Variants in THOC6 observed in about 807,000 individuals in gnomAD.
THOC6 encodes the protein THO complex subunit 6, also known as THO complex 6.
A neutral mutation model predicts 55.8 loss-of-function variants in THOC6; 39 were observed. The observed-to-expected ratio is 0.70, with a 90% CI of 0.54 to 0.91. THOC6 has a LOEUF of 0.91. Ranked by LOEUF, THOC6 falls within the 40% of genes least tolerant of loss-of-function variation. The pLI, the probability that THOC6 is intolerant of heterozygous loss-of-function variation, is 0.00. For synonymous variants in THOC6, 192 were observed against 175.6 expected, an observed-to-expected ratio of 1.09 and a Z score of -0.74; for missense variants, 482 against 442.0, an observed-to-expected ratio of 1.09 and a Z score of -0.81.
chr16:3,024,234 G>GT lies in THOC6; in HGVS notation c.-93_-92insT, dbSNP rs1254927169. On this transcript the variant is annotated 5_prime_UTR_variant, in exon 1 of 13. An upstream open reading frame in the 5' UTR loses its in-frame stop. Transcript: ENST00000326266. Reference sequence around the variant, plus strand: ...CACCAGCCACCTTCGCGCCGAAGGCGGTAGGGCGCCACGGAGAGGAACCGC... The same window carrying GT: ...CACCAGCCACCTTCGCGCCGAAGGCGTGTAGGGCGCCACGGAGAGGAACCGC... The GT allele has an allele frequency of 1.1e-5, 17 of 1,534,090 alleles. No individual in the cohort carries two copies. Among genetic ancestry groups the GT allele is most frequent in the Non-Finnish European group, 1.3e-5 (15 of 1,113,194 alleles).
chr16:3,026,118 T>A lies in THOC6; in HGVS notation c.276T>A (p.Ala92=). The change falls in exon 4 of 13, where the codon GCT becomes GCA. Residue 92 remains alanine, a synonymous_variant. Coordinates refer to ENST00000326266, the MANE Select transcript of THOC6 (RefSeq NM_024339.5). ...CCACCGATCGACATCTGCTTAGTGC[T>A]GGGGATGGGGAGGTGAAGGCCTGGC... ...MVSTDRHLLS[A]GDGEVKAWLW... is the part of the protein sequence containing the mutation. 1 of 1,608,378 alleles carries A rather than the reference T, an allele frequency of 6.2e-7. No homozygotes were observed. The highest frequency in any genetic ancestry group is 8.5e-7 in the Non-Finnish European group (1 of 1,175,964).
chr16:3,026,873 G>C lies in THOC6; in HGVS notation c.593G>C (p.Arg198Pro). 1 of 1,614,130 alleles carries C rather than the reference G, an allele frequency of 6.2e-7. No individual in the cohort carries two copies. The highest frequency in any genetic ancestry group is 8.5e-7 in the Non-Finnish European group (1 of 1,180,010). Residue 198 changes from arginine to proline, a missense_variant, in exon 9 of 13, where the codon CGC (arginine) becomes CCC (proline). Physicochemically the swap from Arg to Pro is moderately radical, Grantham distance 103. Coordinates refer to ENST00000326266, the MANE Select transcript of THOC6 (RefSeq NM_024339.5). ...CACAGTTCTTTCCCCGCAGACCTGC[G>C]CACAGCCAAGGAGGTCCAGACGATC... is the stretch of plus-strand genomic sequence containing the variant. ...EDGAVRLWDL[R>P]TAKEVQTIEV...
rs145609224 is a variant in THOC6 at position 3,024,494 on chromosome 16, A to T, written c.39+129A>T. The T allele has an allele frequency of 2.4e-3, 2,775 of 1,170,330 alleles. 38 individuals carry two copies. The highest frequency in any genetic ancestry group is 0.017 in the South Asian group (1,358 of 79,506). 72.5% of individuals were successfully genotyped at this position (1,170,330 alleles called of 1,614,324 possible). On this transcript the variant is annotated intron_variant, in intron 1 of 12. Transcript: ENST00000326266. ...TATTTGTGGGACTCAGACTCTGACC[A>T]GGGGGGCGGGATAGTAACCCAGAAG...
chr16:3,026,873 G>T lies in THOC6; in HGVS notation c.593G>T (p.Arg198Leu), dbSNP rs747608649. 5 of 1,614,130 alleles carry T rather than the reference G, an allele frequency of 3.1e-6. No individual in the cohort carries two copies. The South Asian group carries it at 3.3e-5, about 11-fold the overall frequency. Reference protein sequence around the residue: ...EDGAVRLWDLRTAKEVQTIEV... With the variant: ...EDGAVRLWDLLTAKEVQTIEV... Reference sequence around the variant, plus strand: ...CACAGTTCTTTCCCCGCAGACCTGCGCACAGCCAAGGAGGTCCAGACGATC... The same window carrying T: ...CACAGTTCTTTCCCCGCAGACCTGCTCACAGCCAAGGAGGTCCAGACGATC... Residue 198 changes from arginine (R) to leucine (L), a missense_variant, in exon 9 of 13, where the codon CGC (arginine) becomes CTC (leucine). Arg to Leu is a moderately radical substitution (Grantham distance 102). Coordinates refer to ENST00000326266, the MANE Select transcript of THOC6 (RefSeq NM_024339.5).
chr16:3,025,205 G>T (rs963691102), intron 1 of THOC6, among the ~76,000 whole-genome samples: 1 of 152,152 alleles, frequency 6.6e-6, no homozygotes, highest in Non-Finnish European at 1.5e-5. Flanking sequence ...GCCTGCCAAA[G>T]TGCTGGGATT....
In THOC6 at chr16:3,026,772, C is replaced by G. The variant is rs1194408714; in HGVS notation, c.577C>G (p.Arg193Gly). The G allele has an allele frequency of 3.7e-6, 6 of 1,613,628 alleles. No homozygotes were observed. Among genetic ancestry groups the G allele is most frequent in the Admixed American group, 3.3e-5 (2 of 59,944 alleles). ...VLSGGEDGAV[R>G]LWDLRTAKEV... ...GTCAGGTGGCGAGGATGGAGCTGTT[C>G]GACTTTGGGGTAAGCAGGTGGCTGG... The change falls in exon 8 of 13, where the codon CGA becomes GGA. Residue 193 changes from arginine to glycine, a missense_variant. Coordinates refer to ENST00000326266, the MANE Select transcript of THOC6 (RefSeq NM_024339.5).
rs555217845 is a variant in THOC6, at chr16:3,027,246, C to T, written c.776C>T (p.Ala259Val). The T allele has an allele frequency of 1.4e-5, 23 of 1,614,196 alleles. No homozygotes were observed. Among genetic ancestry groups the T allele is most frequent in the South Asian group, 8.8e-5 (8 of 91,082 alleles). The change falls in exon 11 of 13, where the codon GCG (alanine) becomes GTG (valine). Residue 259 changes from alanine (A) to valine (V), a missense_variant. Ala to Val is a moderately conservative substitution (Grantham distance 64). Coordinates refer to ENST00000326266, the MANE Select transcript of THOC6 (RefSeq NM_024339.5). Reference protein sequence around the residue: ...STPTTIFPIRAPQKHVTFYQD... With the variant: ...STPTTIFPIRVPQKHVTFYQD... ...CCCACCACCATCTTCCCCATCCGGG[C>T]GCCACAGAAGCACGTCACCTTCTAC... is the stretch of plus-strand genomic sequence containing the variant.
In THOC6 at chr16:3,024,046, G is replaced by T; in HGVS notation, c.-281G>T. The T allele has an allele frequency of 1.0e-6, 1 of 961,386 alleles. No homozygotes were observed. Among genetic ancestry groups the T allele is most frequent in the Non-Finnish European group, 1.5e-6 (1 of 659,902 alleles). 59.6% of individuals were successfully genotyped at this position (961,386 alleles called of 1,614,324 possible). Reference sequence around the variant, plus strand: ...GGCTTTAGGCGGGCACAGCCGCGAGGTTCTGCGCGGGCGCGGAAGACGGGC... The same window carrying T: ...GGCTTTAGGCGGGCACAGCCGCGAGTTTCTGCGCGGGCGCGGAAGACGGGC... On this transcript the variant is annotated 5_prime_UTR_variant, in exon 1 of 13. Coordinates refer to ENST00000326266, the MANE Select transcript of THOC6 (RefSeq NM_024339.5).
In THOC6 at chr16:3,027,473, C is replaced by G. The variant is rs1191217930; in HGVS notation, c.918C>G (p.Asn306Lys). 28 of 1,610,258 alleles carry G rather than the reference C, an allele frequency of 1.7e-5. No homozygotes were observed. The highest frequency in any genetic ancestry group is 2.3e-5 in the Non-Finnish European group (27 of 1,178,162). ...SSPGLLSLSLNQQPAAPECKV... is the reference protein window; with the variant it reads ...SSPGLLSLSLKQQPAAPECKV... ...CAGGGCTGCTCAGCCTCAGCCTCAA[C>G]CAGCAGCCTGCCGCGCCTGAGTGCA... The change falls in exon 12 of 13, where the codon AAC becomes AAG. Residue 306 changes from asparagine to lysine, a missense_variant. By Grantham distance (94) the Asn-to-Lys change is moderately conservative. Transcript: ENST00000326266.
chr16:3,026,855 CT>C lies in THOC6; in HGVS notation c.587-9del. 1 of 1,614,194 alleles carries C rather than the reference CT, an allele frequency of 6.2e-7. No homozygotes were observed. The highest frequency in any genetic ancestry group is 8.5e-7 in the Non-Finnish European group (1 of 1,180,034). ...GGCAAGTGGGGCACCACTCACAGTT[CT>C]TTCCCCGCAGACCTGCGCACAGCCA... On this transcript the variant is annotated splice_polypyrimidine_tract_variant and intron_variant, in intron 8 of 12. Coordinates refer to ENST00000326266, the MANE Select transcript of THOC6 (RefSeq NM_024339.5).
At position 3,024,116 on chromosome 16, in the gene THOC6, T is replaced by A. The variant is rs1400890029; in HGVS notation, c.-211T>A. On this transcript the variant is annotated 5_prime_UTR_variant, in exon 1 of 13. Transcript: ENST00000326266. The stretch of plus-strand genomic sequence containing the variant: ...GCTTGCTCCTCGGGGTGGGGGAGGG[T>A]ATCCGGCTTAAGGGGGCTGCGGTGG... 1 of 698,642 alleles carries A rather than the reference T, an allele frequency of 1.4e-6. No individual in the cohort carries two copies. Among genetic ancestry groups the A allele is most frequent in the South Asian group, 1.9e-5 (1 of 54,052 alleles). The allele number at this position is 698,642 out of a possible 1,614,324, so 43.3% of individuals were successfully genotyped here.
rs907522952 is a variant in THOC6, at chr16:3,027,561, C to G, written c.946-16C>G. 4 of 1,613,466 alleles carry G rather than the reference C, an allele frequency of 2.5e-6. No individual in the cohort carries two copies. Among genetic ancestry groups the G allele is most frequent in the Non-Finnish European group, 3.4e-6 (4 of 1,179,804 alleles). On this transcript the variant is annotated splice_polypyrimidine_tract_variant and intron_variant, in intron 12 of 12. Coordinates refer to ENST00000326266, the MANE Select transcript of THOC6 (RefSeq NM_024339.5). ...CAGGGGTGTGGGCAGGCCAGTCATG[C>G]CCCTCTTTCCTCCAGGTCCTGACAG... is the stretch of plus-strand genomic sequence containing the variant.
intron 9 of THOC6, 30 bp from the exon 10 acceptor site, chr16:3,026,981 C>A: frequency 6.2e-7 from 1 of 1,614,134 alleles, no homozygotes; most frequent in Non-Finnish European, 8.5e-7. Context: ...CAGGTCTTCA[C>A]CTCTTTCCCT....
Position 3,026,784 on chromosome 16 carries a change from A to G in THOC6, c.586+3A>G, listed in dbSNP as rs1167771372. 6 of 1,613,860 alleles carry G rather than the reference A, an allele frequency of 3.7e-6. No homozygotes were observed. The highest frequency in any genetic ancestry group is 3.4e-6 in the Non-Finnish European group (4 of 1,179,886). On this transcript the variant is annotated splice_donor_region_variant and intron_variant, in intron 8 of 12. Coordinates refer to ENST00000326266, the MANE Select transcript of THOC6 (RefSeq NM_024339.5). ...GGATGGAGCTGTTCGACTTTGGGGT[A>G]AGCAGGTGGCTGGTTGGAGGGCAAG...
rs1197949182 is a variant in THOC6 at position 3,027,049 on chromosome 16, T to C, written c.675T>C (p.Cys225=). Residue 225 remains cysteine, a synonymous_variant, in exon 10 of 13, where the codon TGT becomes TGC. Transcript: ENST00000326266. ...SRPHNGRWIG[C]LATDSDWMVC... is the part of the protein sequence containing the mutation. ...CCCACAATGGGCGCTGGATTGGATG[T>C]TTGGCAACTGATTCCGACTGGATGG... 1.2e-6 allele frequency: 2 copies of C among 1,614,186 alleles called. No individual in the cohort carries two copies. The highest frequency in any genetic ancestry group is 1.7e-6 in the Non-Finnish European group (2 of 1,180,030).
intron 7 of THOC6, 40 bp downstream of exon 7, chr16:3,026,627 G>C: frequency 6.2e-7 from 1 of 1,612,418 alleles, no homozygotes; most frequent in African/African-American, 1.3e-5. Flanking sequence ...GTCTAGGTCA[G>C]GGAGAGGCAC....
chr16:3,025,583 C>A, intron 1 of THOC6, 125 bp from the exon 2 acceptor site: 2 of 856,922 alleles, frequency 2.3e-6, no homozygotes, highest in South Asian at 3.2e-5. Context: ...GCGGGGCCGC[C>A]TCAAAAGAAG....
rs768568569 is a variant in THOC6 at position 3,027,024 on chromosome 16, C to T, written c.650C>T (p.Pro217Leu). 2.2e-5 allele frequency: 35 copies of T among 1,614,074 alleles called. No individual in the cohort carries two copies. Among genetic ancestry groups the T allele is most frequent in the Non-Finnish European group, 3.0e-5 (35 of 1,180,050 alleles). Residue 217 changes from proline to leucine, a missense_variant, in exon 10 of 13, where the codon CCC (proline) becomes CTC (leucine). By Grantham distance (98) the Pro-to-Leu change is moderately conservative. Coordinates refer to ENST00000326266, the MANE Select transcript of THOC6 (RefSeq NM_024339.5). ...TCCCCATCCCAGGAGTGCTCGAGGC[C>T]CCACAATGGGCGCTGGATTGGATGT... ...EVYKHEECSR[P>L]HNGRWIGCLA...
chr16:3,024,316 T>C lies in THOC6; in HGVS notation c.-11T>C, dbSNP rs546609671. 5 of 1,613,992 alleles carry C rather than the reference T, an allele frequency of 3.1e-6. No homozygotes were observed. In the African/African-American group the frequency reaches 6.7e-5, roughly 22 times the overall value. On this transcript the variant is annotated 5_prime_UTR_variant, in exon 1 of 13. Coordinates refer to ENST00000326266, the MANE Select transcript of THOC6 (RefSeq NM_024339.5). Reference sequence around the variant, plus strand: ...CGCGCGCGGAGCACTCTGGGACTTGTAGTTCTGGAGATGGAGCGAGCTGTG... The same window carrying C: ...CGCGCGCGGAGCACTCTGGGACTTGCAGTTCTGGAGATGGAGCGAGCTGTG...
Sources: allele counts gnomAD v4.1 joint callset (sites outside exome capture counted in the v4.1 genomes callset), GRCh38; gene constraint gnomAD v4.1.1; transcripts MANE v1.5; gene names NCBI Gene and HGNC (gene_info 2026-07-23, HGNC 2026-07-21).